PGBD5: variants seen among roughly 807,000 people sequenced by gnomAD.
PGBD5 encodes piggyBac transposable element derived 5.
A neutral mutation model predicts 47.9 loss-of-function variants in PGBD5; 14 were observed. That is an observed-to-expected ratio of 0.29 (90% CI 0.19 to 0.46). The LOEUF is 0.46. Ranked by LOEUF, PGBD5 falls within the 20% of genes least tolerant of loss-of-function variation. The pLI is 1.00. For missense variants in PGBD5, 635 were observed against 716.0 expected, an observed-to-expected ratio of 0.89 and a Z score of 1.29; for synonymous variants, 316 against 306.3, an observed-to-expected ratio of 1.03 and a Z score of -0.33.
chr1:230,328,676 T>C (rs1046404662), intron 5 of PGBD5, among the ~76,000 whole-genome samples: 7 of 152,224 alleles, frequency 4.6e-5, no homozygotes, highest in Non-Finnish European at 7.3e-5. Flanking sequence ...ATTCTAACAG[T>C]TGTTCTGTCT....
chr1:230,391,335 A>G (rs1037339982), intron 1 of PGBD5, among the ~76,000 whole-genome samples: 5 of 152,200 alleles, frequency 3.3e-5, no homozygotes, highest in African/African-American at 1.2e-4. Flanking sequence ...ATTACAGTTT[A>G]GCAATTTTCC....
At chr1:230,406,758 G>C (rs1657306507) in intron 1 of PGBD5, among the ~76,000 whole-genome samples, 1 of 152,028 alleles carries the variant, frequency 6.6e-6, no homozygotes, top group Non-Finnish European at 1.5e-5. Flanking sequence ...TTCTTCATCT[G>C]GTGATGATGA....
Position 230,337,430 on chromosome 1 carries a change from C to T in PGBD5, c.895-142G>A. On this transcript the variant is annotated intron_variant, in intron 3 of 6. Coordinates refer to ENST00000391860, the MANE Select transcript of PGBD5 (RefSeq NM_001258311.2). The stretch of plus-strand genomic sequence containing the variant: ...AAGCCCCCATCATCTTTTCAGCTCA[C>T]AGGGACTCTAGGTCACCCCCAAGCA... 3.5e-6 allele frequency: 3 copies of T among 868,852 alleles called. No individual in the cohort carries two copies. The South Asian group carries it at 5.5e-5, about 16-fold the overall frequency. 53.8% of individuals were successfully genotyped at this position (868,852 alleles called of 1,614,324 possible).
intron 1 of PGBD5, among the ~76,000 whole-genome samples, chr1:230,366,560 GT>G (rs1162713865): frequency 6.6e-6 from 1 of 152,194 alleles, no homozygotes; most frequent in Non-Finnish European, 1.5e-5. Context: ...ACTAGTTGCT[GT>G]CCAGCAAAGC....
chr1:230,335,746 G>GAC (rs1252108995), intron 4 of PGBD5, among the ~76,000 whole-genome samples: 1 of 1,516 alleles, frequency 6.6e-4, no homozygotes, highest in Non-Finnish European at 3.6e-3. Flanking sequence ...CTTACACAAA[G>GAC]ACACACACAG....
Position 230,356,962 on chromosome 1 carries a change from T to G in PGBD5, c.691A>C (p.Lys231Gln), listed in dbSNP as rs1161799099. 1 of 1,614,004 alleles carries G rather than the reference T, an allele frequency of 6.2e-7. No homozygotes were observed. The highest frequency in any genetic ancestry group is 1.3e-5 in the African/African-American group (1 of 74,886). Residue 231 changes from lysine (K) to glutamine (Q), a missense_variant, in exon 2 of 7, where the codon AAG becomes CAG. By Grantham distance (53) the Lys-to-Gln change is moderately conservative. Coordinates refer to ENST00000391860, the MANE Select transcript of PGBD5 (RefSeq NM_001258311.2). ...RSSQTTHGLY[K>Q]VQPFLDSLQN... is the part of the protein sequence containing the mutation. ...AGGGAGTCGAGGAAGGGCTGGACCT[T>G]GTAGAGCCCGTGCGTGGTCTGGCTG... is the stretch of plus-strand genomic sequence containing the variant.
chr1:230,344,361 A>AT (rs1341462831), intron 3 of PGBD5, among the ~76,000 whole-genome samples: 1 of 152,136 alleles, frequency 6.6e-6, no homozygotes, highest in Non-Finnish European at 1.5e-5. Flanking sequence ...TGTAGATCTA[A>AT]TTTTAGGCAA....
At chr1:230,401,514 A>G (rs886839775) in intron 1 of PGBD5, among the ~76,000 whole-genome samples, 2 of 152,234 alleles carry the variant, frequency 1.3e-5, no homozygotes, top group African/African-American at 4.8e-5. Flanking sequence ...ACCCTTGAGC[A>G]GATCCTTGTC....
At chr1:230,371,932 A>G (rs865470) in intron 1 of PGBD5, among the ~76,000 whole-genome samples, 108,300 of 151,672 alleles carry the variant, frequency 0.71, 39,068 homozygotes, top group Non-Finnish European at 0.74. Flanking sequence ...CAAGCTACCT[A>G]AGCCCAGAGG....
chr1:230,340,030 A>C (rs1238500043), intron 3 of PGBD5, among the ~76,000 whole-genome samples: 1 of 152,226 alleles, frequency 6.6e-6, no homozygotes, highest in Non-Finnish European at 1.5e-5. Context: ...TGTAATGCAT[A>C]TGTCAGTTGG....
Position 230,323,578 on chromosome 1 carries a change from C to T in PGBD5, c.1422G>A (p.Val474=), listed in dbSNP as rs780597572. 8.0e-5 allele frequency: 129 copies of T among 1,614,028 alleles called. No individual in the cohort carries two copies. Among genetic ancestry groups the T allele is most frequent in the Admixed American group, 1.0e-4 (6 of 60,000 alleles). The stretch of plus-strand genomic sequence containing the variant: ...TGGCGATGCTGATGGCGAACCAGAA[C>T]ACCTGCTGCCAGGTCTTGTTTGGTT... ...SHKPNKTWQQ[V]FWFAISIAIN... The change falls in exon 7 of 7, where the codon GTG becomes GTA. Residue 474 remains valine, a synonymous_variant. Coordinates refer to ENST00000391860, the MANE Select transcript of PGBD5 (RefSeq NM_001258311.2). This position sits in a 1 kb window ranked among gnomAD's most constrained non-coding sequence, Gnocchi z 4.1.
intron 1 of PGBD5, among the ~76,000 whole-genome samples, chr1:230,402,313 A>ACGC (rs1657156164): frequency 6.6e-6 from 1 of 152,224 alleles, no homozygotes; most frequent in Admixed American, 6.5e-5. Context: ...ACGTGGCCTA[A>ACGC]CGCCTCTCCT....
chr1:230,403,045 T>C (rs1657182123), intron 1 of PGBD5, among the ~76,000 whole-genome samples: 1 of 152,104 alleles, frequency 6.6e-6, no homozygotes, highest in African/African-American at 2.4e-5. Flanking sequence ...AATTGTGAGG[T>C]CGTTAGAGTC....
chr1:230,328,842 G>C (rs935275758), intron 5 of PGBD5, among the ~76,000 whole-genome samples: 7 of 152,214 alleles, frequency 4.6e-5, no homozygotes, highest in Non-Finnish European at 1.0e-4. Context: ...GCAGACTCCA[G>C]GAGGAAGATG....
In PGBD5 at chr1:230,349,008, C is replaced by G. The variant is rs189273201; in HGVS notation, c.894+1950G>C. ...ACGCTGCTGCAAAACCTCCTAGAATCAAGAGTTTTAGAAATGAAAGGAAAC... is the reference window on the plus strand; with the variant it reads ...ACGCTGCTGCAAAACCTCCTAGAATGAAGAGTTTTAGAAATGAAAGGAAAC... On this transcript the variant is annotated intron_variant, in intron 3 of 6. Transcript: ENST00000391860. 2.3e-3 allele frequency among the ~76,000 whole-genome samples: 352 copies of G among 152,310 alleles called. 1 individual carries two copies. The highest frequency in any genetic ancestry group is 8.2e-3 in the African/African-American group (339 of 41,566).
At chr1:230,398,083 T>C (rs935955022) in intron 1 of PGBD5, among the ~76,000 whole-genome samples, 5 of 152,156 alleles carry the variant, frequency 3.3e-5, no homozygotes, top group Admixed American at 2.0e-4. Context: ...ACAGTCCCAG[T>C]TGGCAAAAGG....
At chr1:230,339,388 G>A (rs1163010066) in intron 3 of PGBD5, among the ~76,000 whole-genome samples, 1 of 152,146 alleles carries the variant, frequency 6.6e-6, no homozygotes, top group Non-Finnish European at 1.5e-5. Flanking sequence ...ACTTTCCGGA[G>A]GGAAATTTTG....
intron 1 of PGBD5, among the ~76,000 whole-genome samples, chr1:230,392,848 C>A (rs539017436): frequency 6.6e-6 from 1 of 152,052 alleles, no homozygotes; most frequent in Non-Finnish European, 1.5e-5. Flanking sequence ...GCAGGCCTGG[C>A]TGACAGCACA....
chr1:230,387,553 G>A (rs1043724165), intron 1 of PGBD5, among the ~76,000 whole-genome samples: 3 of 152,190 alleles, frequency 2.0e-5, no homozygotes, highest in African/African-American at 7.2e-5. Context: ...ATCCAGGCCT[G>A]GTGGGAAAAA....
Sources: allele counts gnomAD v4.1 joint callset (sites outside exome capture counted in the v4.1 genomes callset), GRCh38; gene constraint gnomAD v4.1.1; non-coding constraint Gnocchi (gnomAD v3.1); transcripts MANE v1.5; gene names NCBI Gene and HGNC (gene_info 2026-07-23, HGNC 2026-07-21).